Variants in CABLES1 observed in about 807,000 individuals in gnomAD.
The protein encoded by CABLES1 is Cdk5 and Abl enzyme substrate 1.
A neutral mutation model predicts 57.8 loss-of-function variants in CABLES1; 36 were observed. The ratio of observed to expected loss-of-function variants is 0.62; its 90% confidence interval spans 0.48 to 0.82. The LOEUF (loss-of-function observed/expected upper bound fraction) is 0.82, where lower values mean the gene tolerates loss of function less well. Among genes scored for constraint, CABLES1 ranks in the 40% least tolerant of loss-of-function variants. The probability of loss-of-function intolerance (pLI) is 0.00; values close to 1 mark genes in which losing one functional copy is unlikely to be tolerated. For synonymous variants in CABLES1, 374 were observed against 363.0 expected (o/e 1.03, Z -0.35); for missense variants, 767 against 836.6 (o/e 0.92, Z 1.03).
intron 1 of CABLES1, among the ~76,000 whole-genome samples, chr18:23,155,141 C>T (rs932799771): frequency 6.6e-6 from 1 of 152,114 alleles, no homozygotes; most frequent in Non-Finnish European, 1.5e-5. Flanking sequence ...TTAAGAAGTG[C>T]AATGTTCGTT....
intron 1 of CABLES1, 102 bp from the exon 2 acceptor site, chr18:23,188,736 G>A (rs952551156): frequency 6.4e-5 from 53 of 827,496 alleles, no homozygotes; most frequent in Admixed American, 1.9e-5. Context: ...TTTTCTTAAC[G>A]GACTTCATGT....
At position 23,237,248 on chromosome 18, in the gene CABLES1, G is replaced by A. The variant is rs2047626387; in HGVS notation, c.1446+3G>A. ...TTCTGATCTTCCCTTCCTACATGGT[G>A]AGTAGCGTGGAATGGAGGCTCCGTT... is the stretch of plus-strand genomic sequence containing the variant. On this transcript the variant is annotated splice_donor_region_variant and intron_variant, in intron 7 of 9. Transcript: ENST00000256925. The A allele has an allele frequency of 6.3e-7, 1 of 1,588,890 alleles. No homozygotes were observed. The highest frequency in any genetic ancestry group is 8.6e-7 in the Non-Finnish European group (1 of 1,156,968).
chr18:23,246,623 C>T (rs1261157706), intron 7 of CABLES1, among the ~76,000 whole-genome samples: 8 of 151,674 alleles, frequency 5.3e-5, no homozygotes, highest in Non-Finnish European at 1.2e-4. Flanking sequence ...GATCTCCTGA[C>T]CTTGTGATCC....
rs188548319 is a variant in CABLES1 at position 23,200,341 on chromosome 18, A to G, written c.1010+5801A>G. Reference sequence around the variant, plus strand: ...GTGGTGTGATCTCGGCTCACTGCAAACTCCGCCTCCTAGGTTCACACCATT... The same window carrying G: ...GTGGTGTGATCTCGGCTCACTGCAAGCTCCGCCTCCTAGGTTCACACCATT... On this transcript the variant is annotated intron_variant, in intron 3 of 9. Transcript: ENST00000256925. Among the ~76,000 whole-genome samples, 418 of 150,264 alleles carry G rather than the reference A, an allele frequency of 2.8e-3. 2 individuals are homozygous for G. The highest frequency in any genetic ancestry group is 9.7e-3 in the African/African-American group (398 of 40,828).
intron 3 of CABLES1, among the ~76,000 whole-genome samples, chr18:23,210,475 G>T (rs2047396756): frequency 6.6e-6 from 1 of 152,078 alleles, no homozygotes; most frequent in Admixed American, 6.5e-5. Flanking sequence ...AATAATAGAG[G>T]TACCTTCCAG....
At chr18:23,166,127 T>C (rs78315237) in intron 1 of CABLES1, among the ~76,000 whole-genome samples, 7,399 of 152,240 alleles carry the variant, frequency 0.049, 437 homozygotes, top group African/African-American at 0.14. Context: ...TGTCAACTGT[T>C]TCTTTAATAC....
chr18:23,186,090 A>G (rs911782965), intron 1 of CABLES1, among the ~76,000 whole-genome samples: 3 of 152,174 alleles, frequency 2.0e-5, no homozygotes, highest in African/African-American at 7.2e-5. Flanking sequence ...AAGTGGGTAT[A>G]GGTGTGGAAG....
chr18:23,210,406 T>C (rs2047396497), intron 3 of CABLES1, among the ~76,000 whole-genome samples: 2 of 152,334 alleles, frequency 1.3e-5, no homozygotes, highest in South Asian at 2.1e-4. Flanking sequence ...GTGGTCAATG[T>C]CTGACATTGG....
Position 23,237,129 on chromosome 18 carries a change from A to G in CABLES1, c.1343-13A>G, listed in dbSNP as rs763138481. On this transcript the variant is annotated splice_polypyrimidine_tract_variant and intron_variant, in intron 6 of 9. Transcript: ENST00000256925. ...CGCTAATTATCATTTTGCATTTTGC[A>G]TGTGATCTTCAGGTAGTGACCTGGG... 1.8e-5 allele frequency: 28 copies of G among 1,527,558 alleles called. No individual in the cohort carries two copies. The East Asian group carries it at 5.8e-4, about 32-fold the overall frequency. The allele number at this position is 1,527,558 out of a possible 1,614,324, so 94.6% of individuals were successfully genotyped here. A position where few individuals can be genotyped will look rare whatever the true frequency, so the allele number is the denominator to read the frequency against.
At chr18:23,246,613 G>A (rs9954955) in intron 7 of CABLES1, among the ~76,000 whole-genome samples, 52 of 151,800 alleles carry the variant, frequency 3.4e-4, no homozygotes, top group East Asian at 9.7e-4. Flanking sequence ...GGATGGTCTC[G>A]ATCTCCTGAC....
chr18:23,160,658 T>G (rs2046997410), intron 1 of CABLES1, among the ~76,000 whole-genome samples: 1 of 152,230 alleles, frequency 6.6e-6, no homozygotes, highest in African/African-American at 2.4e-5. Flanking sequence ...TGTTCTGGTC[T>G]TTATTGTGAG....
chr18:23,195,656 C>T (rs1167730895), intron 3 of CABLES1, among the ~76,000 whole-genome samples: 1 of 152,160 alleles, frequency 6.6e-6, no homozygotes, highest in African/African-American at 2.4e-5. Flanking sequence ...TTGAGCTTTC[C>T]AAATGATTTT....
chr18:23,219,064 T>C, intron 4 of CABLES1: 1 of 404,786 alleles, frequency 2.5e-6, no homozygotes, highest in South Asian at 1.7e-5. Flanking sequence ...CGCAAGTGCC[T>C]TGCCATACCA....
At chr18:23,234,744 G>A in intron 5 of CABLES1, 40 bp downstream of exon 5, 4 of 1,512,202 alleles carry the variant, frequency 2.6e-6, no homozygotes, top group Non-Finnish European at 3.7e-6. Context: ...TTGTGCTGAA[G>A]GCACAAGGGT....
At position 23,260,374 on chromosome 18, in the gene CABLES1, A is replaced by AC. The variant is rs1326178158; in HGVS notation, c.*3009dup. On this transcript the variant is annotated 3_prime_UTR_variant, in exon 10 of 10. Transcript: ENST00000256925. ...CAAGCCACTCTGTACCACGTGCCCTACCTTAGTGACGGGAGTAAGGAGCTT... is the reference window on the plus strand; with the variant it reads ...CAAGCCACTCTGTACCACGTGCCCTACCCTTAGTGACGGGAGTAAGGAGCTT... 1 of 152,114 alleles carries AC rather than the reference A, an allele frequency of 6.6e-6. No homozygotes were observed. The highest frequency in any genetic ancestry group is 2.4e-5 in the African/African-American group (1 of 41,392). 9.4% of individuals were successfully genotyped at this position (152,114 alleles called of 1,614,324 possible).
chr18:23,144,967 A>T (rs4392169), intron 1 of CABLES1, among the ~76,000 whole-genome samples: 117,486 of 149,000 alleles, frequency 0.79, 46,312 homozygotes, highest in Middle Eastern at 0.83. Context: ...ACGGAGCCTC[A>T]CTCTGTTGCC....
At chr18:23,187,070 G>A (rs573548168) in intron 1 of CABLES1, among the ~76,000 whole-genome samples, 3 of 152,288 alleles carry the variant, frequency 2.0e-5, no homozygotes, top group Non-Finnish European at 2.9e-5. Context: ...GGGCTGTGCG[G>A]GGAAGTCCTG....
chr18:23,209,787 G>C (rs549907053), intron 3 of CABLES1, among the ~76,000 whole-genome samples: 1 of 152,256 alleles, frequency 6.6e-6, no homozygotes, highest in African/African-American at 2.4e-5. Flanking sequence ...AATACTTGAG[G>C]ACCGTGGCTG....
intron 2 of CABLES1, chr18:23,190,666 C>A (rs527873976): frequency 4.6e-5 from 7 of 152,322 alleles, no homozygotes; most frequent in African/African-American, 1.7e-4. Flanking sequence ...TACCAGCGTT[C>A]ACAGAATACT....
Sources: gnomAD v4.1 joint callset for allele counts (sites outside exome capture counted in the v4.1 genomes callset) on GRCh38, gnomAD v4.1.1 for gene constraint, MANE v1.5 for transcripts, NCBI Gene and HGNC (gene_info 2026-07-23, HGNC 2026-07-21) for gene names.